The following RGS22 variants were observed in gnomAD, a reference collection of about 807,000 sequenced individuals.
RGS22 encodes the protein regulator of G-protein signaling 22.
RGS22 carries 148 observed loss-of-function variants against 172.9 expected under a neutral mutation model. The ratio of observed to expected loss-of-function variants is 0.86; its 90% confidence interval spans 0.75 to 0.98. The LOEUF (loss-of-function observed/expected upper bound fraction) is 0.98, where lower values mean the gene tolerates loss of function less well. Among genes scored for constraint, RGS22 ranks in the 50% least tolerant of loss-of-function variants. The pLI is 0.00. For synonymous variants in RGS22, 458 were observed against 480.2 expected, an observed-to-expected ratio of 0.95 and a Z score of 0.60; for missense variants, 1,347 against 1,440.8, an observed-to-expected ratio of 0.93 and a Z score of 1.05.
Position 99,996,335 on chromosome 8 carries a change from G to T in RGS22, c.3018+127C>A. 4.2e-6 allele frequency: 3 copies of T among 706,902 alleles called. No individual in the cohort carries two copies. In the East Asian group the frequency reaches 7.9e-5, roughly 19 times the overall value. The allele number at this position is 706,902 out of a possible 1,614,324, so 43.8% of individuals were successfully genotyped here. A position where few individuals can be genotyped will look rare whatever the true frequency, so the allele number is the denominator to read the frequency against. On this transcript the variant is annotated intron_variant, in intron 20 of 27. Transcript: ENST00000360863. ...CATTCATCAATTAAAAACAGTATCA[G>T]TGCTCAGTTGTCAGTTTAGAAAACA...
chr8:100,092,734 A>G (rs1812678326), intron 3 of RGS22, among the ~76,000 whole-genome samples: 1 of 152,214 alleles, frequency 6.6e-6, no homozygotes, highest in Admixed American at 6.5e-5. Flanking sequence ...AATCTCAGTT[A>G]TTCTGCTATA....
intron 2 of RGS22, among the ~76,000 whole-genome samples, chr8:100,094,386 T>C (rs1812807242): frequency 6.6e-6 from 1 of 152,218 alleles, no homozygotes; most frequent in African/African-American, 2.4e-5. Context: ...CTTTTTATAC[T>C]GGCCAATTTT....
chr8:99,975,979 C>T (rs1384957285), intron 23 of RGS22, among the ~76,000 whole-genome samples: 1 of 152,150 alleles, frequency 6.6e-6, no homozygotes, highest in East Asian at 1.9e-4. Context: ...CACTGGAGGT[C>T]AAGAGTTCGC....
At chr8:99,987,320 T>C in intron 21 of RGS22, 138 bp downstream of exon 21, 1 of 546,760 alleles carries the variant, frequency 1.8e-6, no homozygotes, top group East Asian at 3.1e-5. Flanking sequence ...CATCTCAATA[T>C]TTATATACTG....
intron 9 of RGS22, among the ~76,000 whole-genome samples, chr8:100,058,068 A>G (rs1186197708): frequency 5.9e-5 from 9 of 152,108 alleles, no homozygotes; most frequent in Non-Finnish European, 1.0e-4. Context: ...GAAAAATGCA[A>G]CTCACATTTT....
chr8:99,980,943 T>G (rs774210478), intron 22 of RGS22, among the ~76,000 whole-genome samples: 5 of 152,228 alleles, frequency 3.3e-5, no homozygotes, highest in Non-Finnish European at 7.3e-5. Context: ...CCTCTATATT[T>G]CTGCCTATTT....
At chr8:100,047,962 T>TG (rs33995754) in intron 10 of RGS22, among the ~76,000 whole-genome samples, 179 of 150,444 alleles carry the variant, frequency 1.2e-3, no homozygotes, top group East Asian at 3.1e-3. Context: ...GTGTGTGTAC[T>TG]GGGGGGGGGT....
chr8:99,965,077 C>G (rs1160552909), intron 24 of RGS22, among the ~76,000 whole-genome samples: 1 of 152,158 alleles, frequency 6.6e-6, no homozygotes, highest in Non-Finnish European at 1.5e-5. Context: ...TCTTTTCCAA[C>G]AAGATGATCA....
At chr8:100,090,886 G>C (rs145944986) in intron 3 of RGS22, among the ~76,000 whole-genome samples, 224 of 152,250 alleles carry the variant, frequency 1.5e-3, no homozygotes, top group African/African-American at 5.0e-3. Flanking sequence ...TATTCTTAGT[G>C]TAATGAGAAG....
At chr8:100,034,857 A>G (rs558666472) in intron 14 of RGS22, among the ~76,000 whole-genome samples, 35 of 152,314 alleles carry the variant, frequency 2.3e-4, no homozygotes, top group African/African-American at 8.2e-4. Flanking sequence ...GAAATGGGGA[A>G]AGGATTCCCT....
chr8:99,994,397 G>T (rs1407217316), intron 20 of RGS22, among the ~76,000 whole-genome samples: 1 of 152,200 alleles, frequency 6.6e-6, no homozygotes, highest in South Asian at 2.1e-4. Context: ...TCCTTAAGCT[G>T]ATAAGCAACT....
intron 2 of RGS22, among the ~76,000 whole-genome samples, chr8:100,096,394 A>G (rs1812970065): frequency 6.6e-6 from 1 of 152,220 alleles, no homozygotes; most frequent in Admixed American, 6.5e-5. Flanking sequence ...ACACTTCTTC[A>G]GAATTGAATG....
intron 17 of RGS22, among the ~76,000 whole-genome samples, chr8:100,002,694 T>G (rs1452536390): frequency 6.6e-6 from 1 of 152,174 alleles, no homozygotes; most frequent in African/African-American, 2.4e-5. Flanking sequence ...TTTCCACATA[T>G]GTCATGTCAT....
chr8:100,104,034 T>G (rs1813707139), intron 2 of RGS22, among the ~76,000 whole-genome samples: 1 of 152,198 alleles, frequency 6.6e-6, no homozygotes, highest in South Asian at 2.1e-4. Context: ...AGCAGAGCTC[T>G]GGGCCTGGAA....
Position 100,106,013 on chromosome 8 carries a change from G to A in RGS22, c.-92C>T. On this transcript the variant is annotated 5_prime_UTR_variant, in exon 1 of 28. Coordinates refer to ENST00000360863, the MANE Select transcript of RGS22 (RefSeq NM_015668.5). ...CGGGTCAGGGCCTGAGCGACGCGGC[G>A]ACGGCGCGCGGGCTCCGGAGCTACG... 8.3e-7 allele frequency: 1 copy of A among 1,198,902 alleles called. No individual in the cohort carries two copies. The highest frequency in any genetic ancestry group is 1.0e-6 in the Non-Finnish European group (1 of 967,374). 74.3% of individuals were successfully genotyped at this position (1,198,902 alleles called of 1,614,324 possible).
intron 3 of RGS22, among the ~76,000 whole-genome samples, chr8:100,084,244 A>T (rs1812000033): frequency 6.6e-6 from 1 of 152,190 alleles, no homozygotes; most frequent in Admixed American, 6.5e-5. Context: ...TTTATTTCTC[A>T]GACTCCCTAC....
At chr8:100,099,622 C>T (rs1052109989) in intron 2 of RGS22, among the ~76,000 whole-genome samples, 1 of 152,136 alleles carries the variant, frequency 6.6e-6, no homozygotes, top group Non-Finnish European at 1.5e-5. Context: ...TAATGATATA[C>T]TTATTTACCA....
intron 14 of RGS22, among the ~76,000 whole-genome samples, chr8:100,019,291 CAT>C (rs781298680): frequency 1.3e-5 from 2 of 152,220 alleles, no homozygotes; most frequent in South Asian, 2.1e-4. Flanking sequence ...TGTTGTAACA[CAT>C]GTGTTGATTT....
rs760394259 is a variant in RGS22 at position 100,038,974 on chromosome 8, T to C, written c.2123A>G (p.Tyr708Cys). 1.2e-5 allele frequency: 20 copies of C among 1,613,062 alleles called. No homozygotes were observed. In the South Asian group the frequency reaches 1.9e-4, roughly 15 times the overall value. The change falls in exon 14 of 28, where the codon TAC becomes TGC. Residue 708 changes from tyrosine (Y) to cysteine (C), a missense_variant. By Grantham distance (194) the Tyr-to-Cys change is radical. Transcript: ENST00000360863. The part of the protein sequence containing the change: ...FDLQAYHQLF[Y>C]QETLQPFKVC... ...TTTAAAAGGCTGAAGTGTTTCTTGG[T>C]AGAAAAGCTGATGATAAGCCTGCAG...
Sources: allele counts gnomAD v4.1 joint callset (sites outside exome capture counted in the v4.1 genomes callset), GRCh38; gene constraint gnomAD v4.1.1; transcripts MANE v1.5; gene names NCBI Gene and HGNC (gene_info 2026-07-23, HGNC 2026-07-21).